The following KLHL22 variants were observed in gnomAD, a reference collection of about 807,000 sequenced individuals.
KLHL22 encodes the protein kelch like family member 22.
KLHL22 carries 18 observed loss-of-function variants against 60.7 expected under a neutral mutation model. That is an observed-to-expected ratio of 0.30 (90% CI 0.20 to 0.44). KLHL22 has a LOEUF of 0.44. KLHL22 is among the 20% of genes least tolerant of loss of function. The probability of loss-of-function intolerance (pLI) is 1.00; values close to 1 mark genes in which losing one functional copy is unlikely to be tolerated. For missense variants in KLHL22, 596 were observed against 852.3 expected (o/e 0.70, Z 3.74); for synonymous variants, 355 against 354.5 (o/e 1.00, Z -0.01).
intron 2 of KLHL22, among the ~76,000 whole-genome samples, chr22:20,479,410 G>A (rs74335326): frequency 0.056 from 8,545 of 152,110 alleles, 320 homozygotes; most frequent in Non-Finnish European, 0.088. Flanking sequence ...AAAGTAGGCC[G>A]GATATGGTGG....
rs1569132668 is a variant in KLHL22, at chr22:20,465,096, C to CG, written c.873_874insC (p.Glu292ArgfsTer82). 6.2e-7 allele frequency: 1 copy of CG among 1,613,880 alleles called. No individual in the cohort carries two copies. Among genetic ancestry groups the CG allele is most frequent in the Non-Finnish European group, 8.5e-7 (1 of 1,179,936 alleles). On this transcript the variant is annotated frameshift_variant, in exon 4 of 7. Transcript: ENST00000328879. LOFTEE classifies it high-confidence loss of function. The surrounding 1 kb of genome is among the most constrained non-coding windows in gnomAD (Gnocchi z 4.9). The stretch of plus-strand genomic sequence containing the variant: ...ACGCACTGGAAGTCCGACCGCAGCT[C>CG]CGTTTGCGGGCTCTGCAGGCTGGGC...
At chr22:20,457,272 A>AT (rs993993225) in intron 5 of KLHL22, among the ~76,000 whole-genome samples, 20 of 151,710 alleles carry the variant, frequency 1.3e-4, no homozygotes, top group Non-Finnish European at 1.9e-4. Context: ...GATGCACGTG[A>AT]TTTTTTTTTC....
At chr22:20,488,689 G>GAGGGGAGGGGAGAGGAGGGGAGGGT in intron 2 of KLHL22, 1 of 464,404 alleles carries the variant, frequency 2.2e-6, no homozygotes. Context: ...TAAGGGAGGG[G>GAGGGGAGGGGAGAGGAGGGGAGGGT]AGGAGAGAAA....
intron 2 of KLHL22, among the ~76,000 whole-genome samples, chr22:20,480,951 C>T (rs985043265): frequency 2.6e-5 from 4 of 151,088 alleles, no homozygotes; most frequent in Non-Finnish European, 5.9e-5. Context: ...CCTGCCTCAA[C>T]CTCCCGAGTA....
At chr22:20,482,968 G>C in intron 2 of KLHL22, 2 of 764,026 alleles carry the variant, frequency 2.6e-6, no homozygotes, top group Non-Finnish European at 2.3e-6. Context: ...GCAGGCGGCA[G>C]TAGGTGGTGA....
chr22:20,483,930 C>G, intron 2 of KLHL22: 1 of 677,458 alleles, frequency 1.5e-6, no homozygotes, highest in Non-Finnish European at 2.7e-6. Flanking sequence ...GCCCCCAGAC[C>G]CCATGCAGCC....
At position 20,464,953 on chromosome 22, in the gene KLHL22, C is replaced by T. The variant is rs1373858011; in HGVS notation, c.1017G>A (p.Met339Ile). 3 of 1,606,244 alleles carry T rather than the reference C, an allele frequency of 1.9e-6. No homozygotes were observed. Among genetic ancestry groups the T allele is most frequent in the East Asian group, 2.2e-5 (1 of 44,874 alleles). Reference protein sequence around the residue: ...KHFTASLAPRMSNQGIAVLNN... With the variant: ...KHFTASLAPRISNQGIAVLNN... Reference sequence around the variant, plus strand: ...TGAGCACCGCGATGCCCTGGTTGGACATGCGGGGGGCCAGGGAGGCAGTGA... The same window carrying T: ...TGAGCACCGCGATGCCCTGGTTGGATATGCGGGGGGCCAGGGAGGCAGTGA... Residue 339 changes from methionine (M) to isoleucine (I), a missense_variant, in exon 4 of 7, where the codon ATG (methionine) becomes ATA (isoleucine). Coordinates refer to ENST00000328879, the MANE Select transcript of KLHL22 (RefSeq NM_032775.4).
In KLHL22 at chr22:20,442,002, G is replaced by T. The variant is rs1020156332; in HGVS notation, c.*71C>A. 2.5e-5 allele frequency: 37 copies of T among 1,462,266 alleles called. No individual in the cohort carries two copies. Among genetic ancestry groups the T allele is most frequent in the Non-Finnish European group, 3.2e-5 (35 of 1,098,496 alleles). 90.6% of individuals were successfully genotyped at this position (1,462,266 alleles called of 1,614,324 possible). ...GCCCTGCCTGGAGTAAAGTGCTCTG[G>T]CCTAGGCTGCGTGGGTTTCACTGCC... On this transcript the variant is annotated 3_prime_UTR_variant, in exon 7 of 7. Coordinates refer to ENST00000328879, the MANE Select transcript of KLHL22 (RefSeq NM_032775.4).
At chr22:20,477,062 C>G (rs1489025191) in intron 2 of KLHL22, among the ~76,000 whole-genome samples, 3 of 151,822 alleles carry the variant, frequency 2.0e-5, no homozygotes, top group African/African-American at 4.8e-5. Context: ...CTTTCGGGGG[C>G]CAAGGCAGGA....
At chr22:20,488,925 T>C (rs2053633935) in intron 2 of KLHL22, 60 bp downstream of exon 2, 1 of 1,525,764 alleles carries the variant, frequency 6.6e-7, no homozygotes, top group Middle Eastern at 1.7e-4. Flanking sequence ...CCAGTACCTT[T>C]ACTAGCAGAG....
intron 5 of KLHL22, chr22:20,450,697 G>T: frequency 7.0e-7 from 1 of 1,436,534 alleles, no homozygotes; most frequent in South Asian, 1.1e-5. Flanking sequence ...GGATCCTGAA[G>T]AACCAGTCTT....
chr22:20,492,625 T>C (rs2053709701), intron 1 of KLHL22, among the ~76,000 whole-genome samples: 1 of 151,868 alleles, frequency 6.6e-6, no homozygotes, highest in Admixed American at 6.6e-5. Context: ...AGTCTCGCTC[T>C]GTCACCCAGG....
chr22:20,452,479 A>G (rs968428351), intron 5 of KLHL22, among the ~76,000 whole-genome samples: 1 of 152,246 alleles, frequency 6.6e-6, no homozygotes, highest in African/African-American at 2.4e-5. Flanking sequence ...GAGTGAACCT[A>G]GAACAGCACT....
rs2052757391 is a variant in KLHL22 at position 20,441,599 on chromosome 22, T to C, written c.*474A>G. ...TGAAAACCCAGCGGGAGGGGTCTTT[T>C]TATCACAGAGCCAGTCCCAGGCGAG... is the stretch of plus-strand genomic sequence containing the variant. On this transcript the variant is annotated 3_prime_UTR_variant, in exon 7 of 7. Coordinates refer to ENST00000328879, the MANE Select transcript of KLHL22 (RefSeq NM_032775.4). 1 of 177,186 alleles carries C rather than the reference T, an allele frequency of 5.6e-6. No individual in the cohort carries two copies. The highest frequency in any genetic ancestry group is 1.3e-5 in the Non-Finnish European group (1 of 74,218). 11.0% of individuals were successfully genotyped at this position (177,186 alleles called of 1,614,324 possible).
chr22:20,479,124 G>A (rs2053459232), intron 2 of KLHL22, among the ~76,000 whole-genome samples: 1 of 150,810 alleles, frequency 6.6e-6, no homozygotes, highest in Non-Finnish European at 1.5e-5. Context: ...GTGAGATTCT[G>A]TCTCAAAAAA....
intron 2 of KLHL22, among the ~76,000 whole-genome samples, chr22:20,477,439 C>T (rs1432314529): frequency 1.3e-5 from 2 of 151,940 alleles, no homozygotes; most frequent in African/African-American, 4.8e-5. Context: ...ACAGAAAGAC[C>T]CCATCTCTTA....
At chr22:20,466,560 T>C (rs1008051599) in intron 3 of KLHL22, among the ~76,000 whole-genome samples, 8 of 152,052 alleles carry the variant, frequency 5.3e-5, no homozygotes, top group Non-Finnish European at 1.0e-4. Flanking sequence ...ACCTGGCTTT[T>C]TCCCCCGCCA....
intron 2 of KLHL22, among the ~76,000 whole-genome samples, chr22:20,474,066 C>A (rs981566870): frequency 2.0e-5 from 3 of 152,032 alleles, no homozygotes; most frequent in African/African-American, 7.2e-5. Context: ...GTGGTGCGAT[C>A]TTGGCTCAGT....
intron 2 of KLHL22, among the ~76,000 whole-genome samples, chr22:20,474,960 C>T (rs1204383725): frequency 6.6e-6 from 1 of 152,200 alleles, no homozygotes; most frequent in Non-Finnish European, 1.5e-5. Context: ...GACACCAGCT[C>T]TAACTCACCA....
Sources: gnomAD v4.1 joint callset for allele counts (sites outside exome capture counted in the v4.1 genomes callset) on GRCh38, gnomAD v4.1.1 for gene constraint, Gnocchi (gnomAD v3.1) non-coding constraint, MANE v1.5 for transcripts, NCBI Gene and HGNC (gene_info 2026-07-23, HGNC 2026-07-21) for gene names.